The following PHRF1 variants were observed in gnomAD, a reference collection of about 807,000 sequenced individuals.
PHRF1 encodes the protein PHD and ring finger domains 1.
PHRF1 carries 53 observed loss-of-function variants against 128.9 expected under a neutral mutation model. The ratio of observed to expected loss-of-function variants is 0.41; its 90% CI spans 0.33 to 0.52. PHRF1 has a LOEUF of 0.52. Among genes scored for constraint, PHRF1 ranks in the 20% least tolerant of loss-of-function variants. The pLI, the probability that PHRF1 is intolerant of heterozygous loss-of-function variation, is 0.21. For synonymous variants in PHRF1, 1,178 were observed against 980.6 expected (o/e 1.20, Z -3.76); for missense variants, 2,503 against 2,284.5 (o/e 1.10, Z -1.95).
intron 17 of PHRF1, 146 bp downstream of exon 17, chr11:611,228 A>G: frequency 7.5e-7 from 1 of 1,331,022 alleles, no homozygotes; most frequent in South Asian, 1.4e-5. Context: ...GTATTGCCAC[A>G]TCCTGTAGGC....
In PHRF1 at chr11:597,285, C is replaced by A; in HGVS notation, c.719-110C>A. On this transcript the variant is annotated intron_variant, in intron 7 of 17. Transcript: ENST00000264555. The surrounding 1 kb of genome is among the most constrained non-coding windows in gnomAD (Gnocchi z 6.5). ...CATGAGCAGCCCTGGGTCCTGTGCA[C>A]AGGTCAGCCCGAGCCAGGGCTGCTA... 1 of 1,375,496 alleles carries A rather than the reference C, an allele frequency of 7.3e-7. No individual in the cohort carries two copies. The highest frequency in any genetic ancestry group is 9.9e-7 in the Non-Finnish European group (1 of 1,014,982). The allele number at this position is 1,375,496 out of a possible 1,614,324, so 85.2% of individuals were successfully genotyped here.
rs553653563 is a variant in PHRF1, at chr11:596,465, A to G, written c.621-458A>G. On this transcript the variant is annotated intron_variant, in intron 6 of 17. Transcript: ENST00000264555. The stretch of plus-strand genomic sequence containing the variant: ...GAAGGGGGCCCCACAGGCAGCACCT[A>G]CCGCAGGAGCTCAGTGTGAGCCACT... Among the ~76,000 whole-genome samples the G allele has an allele frequency of 2.6e-5, 4 of 152,316 alleles. No homozygotes were observed. The South Asian group carries it at 8.3e-4, about 32-fold the overall frequency.
At chr11:579,983 T>C (rs1047772033) in intron 1 of PHRF1, among the ~76,000 whole-genome samples, 15 of 152,188 alleles carry the variant, frequency 9.9e-5, no homozygotes, top group African/African-American at 3.4e-4. Context: ...CTGTGGTACA[T>C]GTGCAGCCCA....
chr11:606,933 T>G (rs946079224), intron 13 of PHRF1, 133 bp from the exon 14 acceptor site: 1 of 1,392,164 alleles, frequency 7.2e-7, no homozygotes, highest in African/African-American at 1.4e-5. Flanking sequence ...AAAGGCGAGG[T>G]GTCCACCTCA....
At position 609,183 on chromosome 11, in the gene PHRF1, C is replaced by T. The variant is rs1262541874; in HGVS notation, c.3727C>T (p.Pro1243Ser). The T allele has an allele frequency of 6.2e-7, 1 of 1,607,278 alleles. No individual in the cohort carries two copies. Among genetic ancestry groups the T allele is most frequent in the Admixed American group, 1.7e-5 (1 of 60,016 alleles). The change falls in exon 14 of 18, where the codon CCC (proline) becomes TCC (serine). Residue 1243 changes from proline (P) to serine (S), a missense_variant. Physicochemically the swap from Pro to Ser is moderately conservative, Grantham distance 74 (BLOSUM62 -1). Transcript: ENST00000264555. ...GGCCGACAAGGCCCCCCTGCAGGCT[C>T]CCCCTGTCCTGGAGGTGGCAGCTGA... is the stretch of plus-strand genomic sequence containing the variant. ...ATADKAPLQA[P>S]PVLEVAAECE... is the part of the protein sequence containing the mutation.
chr11:607,371 A>T lies in PHRF1; in HGVS notation c.1915A>T (p.Thr639Ser). 8.7e-6 allele frequency: 14 copies of T among 1,612,716 alleles called. No individual in the cohort carries two copies. The highest frequency in any genetic ancestry group is 1.2e-5 in the Non-Finnish European group (14 of 1,179,850). Residue 639 changes from threonine to serine, a missense_variant, in exon 14 of 18, where the codon ACC (threonine) becomes TCC (serine). Thr to Ser is a moderately conservative substitution (Grantham distance 58, BLOSUM62 1). Coordinates refer to ENST00000264555, the MANE Select transcript of PHRF1 (RefSeq NM_001286581.2). ...CTGGTTCAACGGCACCAACAAGCAC[A>T]CCTTGCCCCTTGCCTCTGCCGCGTC... ...SPWFNGTNKH[T>S]LPLASAASKI...
intron 1 of PHRF1, among the ~76,000 whole-genome samples, chr11:580,534 G>C (rs1325359002): frequency 1.3e-5 from 2 of 152,216 alleles, no homozygotes; most frequent in African/African-American, 4.8e-5. Context: ...GGTGCGGTCA[G>C]AGGAGCCTCC....
At chr11:593,480 G>C (rs1855101512) in intron 6 of PHRF1, among the ~76,000 whole-genome samples, 1 of 152,260 alleles carries the variant, frequency 6.6e-6, no homozygotes. Flanking sequence ...CCTTTGCTCT[G>C]TGGCGGGTGG....
At position 607,387 on chromosome 11, in the gene PHRF1, C is replaced by G; in HGVS notation, c.1931C>G (p.Ser644Cys). The change falls in exon 14 of 18, where the codon TCT becomes TGT. Residue 644 changes from serine to cysteine, a missense_variant. Coordinates refer to ENST00000264555, the MANE Select transcript of PHRF1 (RefSeq NM_001286581.2). ...GTNKHTLPLA[S>C]AASKISSRDS... is the part of the protein sequence containing the mutation. ...AACAAGCACACCTTGCCCCTTGCCT[C>G]TGCCGCGTCTAAGATCTCAAGCAGA... is the stretch of plus-strand genomic sequence containing the variant. The G allele has an allele frequency of 6.2e-7, 1 of 1,612,834 alleles. No individual in the cohort carries two copies. Among genetic ancestry groups the G allele is most frequent in the Non-Finnish European group, 8.5e-7 (1 of 1,179,898 alleles).
chr11:591,599 A>C, intron 5 of PHRF1, 132 bp downstream of exon 5: 1 of 782,108 alleles, frequency 1.3e-6, no homozygotes, highest in Non-Finnish European at 1.9e-6. Context: ...AAATCAACTC[A>C]AGTGCCCCTT....
In PHRF1 at chr11:592,680, G is replaced by T. The variant is rs201973740; in HGVS notation, c.620+6G>T. On this transcript the variant is annotated splice_donor_region_variant and intron_variant, in intron 6 of 17. Coordinates refer to ENST00000264555, the MANE Select transcript of PHRF1 (RefSeq NM_001286581.2). ...TGCGACGGCTGCGATGCGGGGTAAG[G>T]GACGGTTGGGACTGGCACACGTGCC... is the stretch of plus-strand genomic sequence containing the variant. 3.7e-6 allele frequency: 6 copies of T among 1,613,906 alleles called. No individual in the cohort carries two copies. In the African/African-American group the frequency reaches 8.0e-5, roughly 21 times the overall value.
At chr11:601,343 C>G (rs990930581) in intron 9 of PHRF1, among the ~76,000 whole-genome samples, 2 of 151,596 alleles carry the variant, frequency 1.3e-5, no homozygotes, top group African/African-American at 2.4e-5. Flanking sequence ...GCAGGAGAAT[C>G]ACGTGAGCCC....
At chr11:583,384 G>A (rs762085065) in intron 3 of PHRF1, among the ~76,000 whole-genome samples, 24 of 152,038 alleles carry the variant, frequency 1.6e-4, no homozygotes, top group Non-Finnish European at 2.6e-4. Context: ...GGGCGTGGTG[G>A]TGCGTGCCTG....
In PHRF1 at chr11:597,939, C is replaced by T. The variant is rs958559165; in HGVS notation, c.894+369C>T. Among the ~76,000 whole-genome samples, 1 of 152,364 alleles carries T rather than the reference C, an allele frequency of 6.6e-6. No homozygotes were observed. Among genetic ancestry groups the T allele is most frequent in the South Asian group, 2.1e-4 (1 of 4,832 alleles). On this transcript the variant is annotated intron_variant, in intron 8 of 17. Coordinates refer to ENST00000264555, the MANE Select transcript of PHRF1 (RefSeq NM_001286581.2). The surrounding 1 kb of genome is among the most constrained non-coding windows in gnomAD (Gnocchi z 6.5). ...GGTGCTCGGTTTCAGGTGCTCCCTG[C>T]AGCCTCCGTCCTGACAGCAGCCTTT... is the stretch of plus-strand genomic sequence containing the variant.
At chr11:605,477 G>A (rs968662868) in intron 11 of PHRF1, 128 bp from the exon 12 acceptor site, 10 of 1,496,694 alleles carry the variant, frequency 6.7e-6, no homozygotes, top group African/African-American at 5.5e-5. Context: ...GGTCTGGTTC[G>A]GGGCCCGAAT....
intron 12 of PHRF1, among the ~76,000 whole-genome samples, chr11:606,014 G>C (rs1220917677): frequency 6.6e-6 from 1 of 152,230 alleles, no homozygotes; most frequent in Non-Finnish European, 1.5e-5. Flanking sequence ...CAGGGACACC[G>C]CCTCGGGCAG....
chr11:604,932 G>A (rs1190313494), intron 10 of PHRF1, among the ~76,000 whole-genome samples, 187 bp from the exon 11 acceptor site: 7 of 152,168 alleles, frequency 4.6e-5, no homozygotes, highest in Non-Finnish European at 5.9e-5. Flanking sequence ...GGAGCTTCAC[G>A]GCCGATGTGT....
At position 607,114 on chromosome 11, in the gene PHRF1, A is replaced by G. The variant is rs958898819; in HGVS notation, c.1658A>G (p.Glu553Gly). 12 of 1,609,094 alleles carry G rather than the reference A, an allele frequency of 7.5e-6. No individual in the cohort carries two copies. Among genetic ancestry groups the G allele is most frequent in the Non-Finnish European group, 1.0e-5 (12 of 1,177,594 alleles). ...TCAGGCAGTCTGTCCAGAGGGGAAG[A>G]AGGATTCAAGGGCTGCCTGCAGCCC... ...RNSGSLSRGE[E>G]GFKGCLQPRA... Residue 553 changes from glutamate (E) to glycine (G), a missense_variant, in exon 14 of 18, where the codon GAA becomes GGA. Coordinates refer to ENST00000264555, the MANE Select transcript of PHRF1 (RefSeq NM_001286581.2).
intron 3 of PHRF1, among the ~76,000 whole-genome samples, chr11:585,756 C>T (rs537534420): frequency 6.1e-4 from 91 of 150,138 alleles, no homozygotes; most frequent in Middle Eastern, 3.5e-3. Context: ...TCTCAGTTCA[C>T]TGCAAGCTCT....
Sources: allele counts gnomAD v4.1 joint callset (sites outside exome capture counted in the v4.1 genomes callset), GRCh38; gene constraint gnomAD v4.1.1; non-coding constraint Gnocchi (gnomAD v3.1); transcripts MANE v1.5; gene names NCBI Gene and HGNC (gene_info 2026-07-23, HGNC 2026-07-21).